The following USP37 variants were observed in gnomAD, a reference collection of about 807,000 sequenced individuals.
USP37 encodes ubiquitin carboxyl-terminal hydrolase 37.
A neutral mutation model predicts 124.0 loss-of-function variants in USP37; 27 were observed. The ratio of observed to expected loss-of-function variants is 0.22; its 90% CI spans 0.16 to 0.30. The LOEUF (loss-of-function observed/expected upper bound fraction) is 0.30. Among genes scored for constraint, USP37 ranks in the 10% least tolerant of loss-of-function variants. USP37 has a pLI of 1.00. For synonymous variants in USP37, 365 were observed against 388.0 expected (o/e 0.94, Z 0.70); for missense variants, 889 against 1,140.4 (o/e 0.78, Z 3.17).
At chr2:218,495,193 G>A (rs1689013714) in intron 14 of USP37, among the ~76,000 whole-genome samples, 1 of 152,174 alleles carries the variant, frequency 6.6e-6, no homozygotes. Flanking sequence ...CCAAGCTGGA[G>A]TGCAGTGGCG....
At chr2:218,504,793 T>A (rs1460190231) in intron 11 of USP37, among the ~76,000 whole-genome samples, 1 of 151,956 alleles carries the variant, frequency 6.6e-6, no homozygotes, top group Non-Finnish European at 1.5e-5. Flanking sequence ...TACTATGTTG[T>A]CCAGGCTGGT....
chr2:218,474,497 G>A, intron 20 of USP37, 133 bp downstream of exon 20: 3 of 1,325,042 alleles, frequency 2.3e-6, no homozygotes, highest in Non-Finnish European at 3.1e-6. Flanking sequence ...GAGTAGCTGG[G>A]ATTAGGGTCA....
In USP37 at chr2:218,474,781, A is replaced by G; in HGVS notation, c.2148T>C (p.Ser716=). The G allele has an allele frequency of 1.2e-6, 2 of 1,614,140 alleles. No individual in the cohort carries two copies. Among genetic ancestry groups the G allele is most frequent in the Non-Finnish European group, 1.7e-6 (2 of 1,180,026 alleles). The change falls in exon 20 of 26, where the codon AGT becomes AGC. Residue 716 remains serine (S), a synonymous_variant. Coordinates refer to ENST00000258399, the MANE Select transcript of USP37 (RefSeq NM_020935.3). The part of the protein sequence containing the change: ...EELLAAVLEI[S]KRDASPSLSH... The stretch of plus-strand genomic sequence containing the variant: ...TCAGAGATGGTGAAGCATCTCTCTT[A>G]CTTATCTCCAAGACAGCTGCTAGAA...
chr2:218,469,814 C>CTTTTTT (rs71064451), intron 20 of USP37, among the ~76,000 whole-genome samples: 3 of 64,646 alleles, frequency 4.6e-5, no homozygotes, highest in East Asian at 4.9e-4. Flanking sequence ...ACTCAACATT[C>CTTTTTT]TTTTTTTTTT....
At chr2:218,520,345 CTTTTTTT>C (rs542332442) in intron 10 of USP37, among the ~76,000 whole-genome samples, 1 of 125,908 alleles carries the variant, frequency 7.9e-6, no homozygotes, top group Non-Finnish European at 1.7e-5. Context: ...TTGCCAACAG[CTTTTTTT>C]TTTTTTTTTT....
intron 20 of USP37, among the ~76,000 whole-genome samples, chr2:218,469,947 A>C (rs561053974): frequency 5.3e-5 from 8 of 150,956 alleles, no homozygotes; most frequent in African/African-American, 1.9e-4. Context: ...CAGCCTCCCA[A>C]GTAGCTGGGA....
At chr2:218,464,386 C>T (rs747480578) in intron 21 of USP37, among the ~76,000 whole-genome samples, 6 of 152,076 alleles carry the variant, frequency 3.9e-5, no homozygotes, top group Non-Finnish European at 8.8e-5. Context: ...TACAGGCGCA[C>T]GCCACCACAG....
intron 18 of USP37, among the ~76,000 whole-genome samples, chr2:218,477,656 TGTAATAATTAAGA>T (rs777887900): frequency 3.9e-5 from 6 of 152,194 alleles, no homozygotes; most frequent in Non-Finnish European, 8.8e-5. Context: ...CAAACTATCT[TGTAATAATTAAGA>T]GCCTCTGAGG....
chr2:218,535,438 C>T (rs1271801014), intron 8 of USP37, among the ~76,000 whole-genome samples: 5 of 150,998 alleles, frequency 3.3e-5, no homozygotes, highest in East Asian at 2.0e-4. Context: ...TCAGGCTGGG[C>T]GCGGTGGCTC....
chr2:218,492,975 C>G (rs1688875426), intron 14 of USP37, among the ~76,000 whole-genome samples: 1 of 152,044 alleles, frequency 6.6e-6, no homozygotes, highest in African/African-American at 2.4e-5. Context: ...CCACTGCACT[C>G]CAGCCTGGGT....
chr2:218,551,037 T>C (rs1692640773), intron 5 of USP37, among the ~76,000 whole-genome samples: 2 of 152,190 alleles, frequency 1.3e-5, no homozygotes, highest in Admixed American at 6.5e-5. Context: ...AAAAGTACTT[T>C]TTACAATACT....
intron 14 of USP37, among the ~76,000 whole-genome samples, chr2:218,494,412 C>T (rs1412383484): frequency 6.6e-6 from 1 of 151,362 alleles, no homozygotes; most frequent in African/African-American, 2.5e-5. Context: ...AAAGGCTCTA[C>T]CATATTAAGG....
At chr2:218,505,312 C>T (rs977804926) in intron 11 of USP37, among the ~76,000 whole-genome samples, 1 of 152,178 alleles carries the variant, frequency 6.6e-6, no homozygotes, top group African/African-American at 2.4e-5. Context: ...AGCCATCATG[C>T]CCAGCTGACA....
chr2:218,554,203 C>CA (rs1346227905), intron 4 of USP37, among the ~76,000 whole-genome samples: 3 of 152,124 alleles, frequency 2.0e-5, no homozygotes, highest in African/African-American at 7.2e-5. Context: ...AACATCATTT[C>CA]CTTCATTATA....
chr2:218,528,870 T>C lies in USP37; in HGVS notation c.863+1086A>G, dbSNP rs1376369569. 2.4e-5 allele frequency: 7 copies of C among 293,538 alleles called. No individual in the cohort carries two copies. In the South Asian group the frequency reaches 1.3e-3, roughly 53 times the overall value. The allele number at this position is 293,538 out of a possible 1,614,324, so 18.2% of individuals were successfully genotyped here. A position where few individuals can be genotyped will look rare whatever the true frequency, so the allele number is the denominator to read the frequency against. ...CTTATCTATAGAATTGGCAATTAAATATCCAACTAGCCTTTTCCAATTTAT... is the reference window on the plus strand; with the variant it reads ...CTTATCTATAGAATTGGCAATTAAACATCCAACTAGCCTTTTCCAATTTAT... On this transcript the variant is annotated intron_variant, in intron 10 of 25. Coordinates refer to ENST00000258399, the MANE Select transcript of USP37 (RefSeq NM_020935.3).
At chr2:218,511,707 A>G (rs1277311525) in intron 10 of USP37, among the ~76,000 whole-genome samples, 1 of 152,096 alleles carries the variant, frequency 6.6e-6, no homozygotes, top group East Asian at 1.9e-4. Flanking sequence ...TCAGCCTCCC[A>G]AAGTGCTAGG....
chr2:218,463,373 G>C lies in USP37; in HGVS notation c.2467-7C>G. On this transcript the variant is annotated splice_region_variant and splice_polypyrimidine_tract_variant and intron_variant, in intron 21 of 25. Transcript: ENST00000258399. ...CTTTCTGTTCCCAAGCCTCCTAAAG[G>C]GAAAAGAACAAAAACTAAGGTATTT... The C allele has an allele frequency of 6.2e-7, 1 of 1,613,490 alleles. No individual in the cohort carries two copies. Among genetic ancestry groups the C allele is most frequent in the Non-Finnish European group, 8.5e-7 (1 of 1,179,818 alleles).
rs1689587607 is a variant in USP37, at chr2:218,454,444, T to C, written c.*486A>G. ...AAAAGGTTACAGACTTGAGTGAAAC[T>C]ACTCAAGGAACATAAAAGCTAAAAG... On this transcript the variant is annotated 3_prime_UTR_variant, in exon 26 of 26. Transcript: ENST00000258399. 1 of 152,848 alleles carries C rather than the reference T, an allele frequency of 6.5e-6. No individual in the cohort carries two copies. The highest frequency in any genetic ancestry group is 1.5e-5 in the Non-Finnish European group (1 of 68,200). The allele number at this position is 152,848 out of a possible 1,614,324, so 9.5% of individuals were successfully genotyped here. A position where few individuals can be genotyped will look rare whatever the true frequency, so the allele number is the denominator to read the frequency against.
chr2:218,536,937 A>C (rs1278745563), intron 8 of USP37, among the ~76,000 whole-genome samples: 3 of 152,210 alleles, frequency 2.0e-5, no homozygotes, highest in Non-Finnish European at 4.4e-5. Flanking sequence ...TAAGGTAGAG[A>C]AGGATAGGGC....
Sources: gnomAD v4.1 joint callset for allele counts (sites outside exome capture counted in the v4.1 genomes callset) on GRCh38, gnomAD v4.1.1 for gene constraint, MANE v1.5 for transcripts, NCBI Gene and HGNC (gene_info 2026-07-23, HGNC 2026-07-21) for gene names.